CCDC3: variants seen among roughly 807,000 people sequenced by gnomAD.
CCDC3 encodes the protein coiled-coil domain containing 3.
Under a neutral mutation model 21.4 loss-of-function variants are expected in CCDC3, and 24 were observed. The ratio of observed to expected loss-of-function variants is 1.12; its 90% CI spans 0.81 to 1.58. CCDC3 has a LOEUF of 1.58. CCDC3 is among the 40% of genes most tolerant of loss of function. The probability of loss-of-function intolerance (pLI) is 0.00; values close to 1 mark genes in which losing one functional copy is unlikely to be tolerated. For synonymous variants in CCDC3, 186 were observed against 166.0 expected (o/e 1.12, Z -0.93); for missense variants, 425 against 360.9 (o/e 1.18, Z -1.44).
At chr10:12,912,715 T>C (rs1336747988) in intron 2 of CCDC3, among the ~76,000 whole-genome samples, 1 of 152,210 alleles carries the variant, frequency 6.6e-6, no homozygotes, top group Non-Finnish European at 1.5e-5. Context: ...GCTCTGCCCC[T>C]GTGTTTGCTT....
At chr10:12,975,204 T>C (rs1278024107) in intron 2 of CCDC3, among the ~76,000 whole-genome samples, 2 of 152,186 alleles carry the variant, frequency 1.3e-5, no homozygotes, top group African/African-American at 4.8e-5. Context: ...CCCGGCTCCT[T>C]GCTCTAACAA....
intron 2 of CCDC3, among the ~76,000 whole-genome samples, chr10:12,981,177 A>ATTT (rs59193619): frequency 0.26 from 27,667 of 105,272 alleles, 4,186 homozygotes; most frequent in East Asian, 0.32. Flanking sequence ...CTGGCCCAGG[A>ATTT]TTTTTTTTTT....
chr10:13,015,819 AAG>A (rs746558065), intron 5 of CCDC3, among the ~76,000 whole-genome samples: 7 of 151,978 alleles, frequency 4.6e-5, no homozygotes, highest in Non-Finnish European at 7.4e-5. Context: ...GGTTCGGTGA[AAG>A]AGGGGATGGT....
At chr10:12,943,103 G>T (rs992150854) in intron 2 of CCDC3, among the ~76,000 whole-genome samples, 6 of 151,918 alleles carry the variant, frequency 3.9e-5, no homozygotes, top group African/African-American at 1.5e-4. Flanking sequence ...TTATTTAATT[G>T]GCTTAAGCGC....
chr10:13,054,190 G>A (rs12572817), intron 4 of CCDC3, among the ~76,000 whole-genome samples: 26,111 of 149,638 alleles, frequency 0.17, 2,773 homozygotes, highest in East Asian at 0.31. Flanking sequence ...ACTTGGCAAG[G>A]GGCACACCTC....
rs563593367 is a variant in CCDC3, at chr10:13,097,560, C to T, written c.-503+965G>A. Among the ~76,000 whole-genome samples, 6 of 152,216 alleles carry T rather than the reference C, an allele frequency of 3.9e-5. No individual in the cohort carries two copies. The South Asian group carries it at 1.0e-3, about 26-fold the overall frequency. ...TCAACATGGCGAAACCTCATCAATA[C>T]GAAAAATGCAAAAATTAGCTTGGTG... On this transcript the variant is annotated intron_variant, in intron 3 of 6. Transcript: ENST00000378839.
chr10:13,002,657 G>A (rs181471899), upstream of CCDC3, among the ~76,000 whole-genome samples: 1 of 152,268 alleles, frequency 6.6e-6, no homozygotes, highest in East Asian at 1.9e-4. Context: ...TGAACTTTCA[G>A]GCGTGAGCCC....
At chr10:13,032,279 A>G (rs1293413809) in intron 5 of CCDC3, among the ~76,000 whole-genome samples, 1 of 152,248 alleles carries the variant, frequency 6.6e-6, no homozygotes, top group Admixed American at 6.5e-5. Flanking sequence ...GGCCTTCGAC[A>G]AAATTCAACA....
In CCDC3 at chr10:13,047,717, T is replaced by A. The variant is rs529799098; in HGVS notation, c.-2+1957A>T. Reference sequence around the variant, plus strand: ...TGCCCTCCCTATGAGACCTGGGTGATTCCTGTTAGCCATGGGCCTCTCTAA... The same window carrying A: ...TGCCCTCCCTATGAGACCTGGGTGAATCCTGTTAGCCATGGGCCTCTCTAA... On this transcript the variant is annotated intron_variant, in intron 5 of 6. Transcript: ENST00000378839. 2.0e-5 allele frequency among the ~76,000 whole-genome samples: 3 copies of A among 152,272 alleles called. No individual in the cohort carries two copies. The East Asian group carries it at 5.8e-4, about 29-fold the overall frequency.
At chr10:13,056,530 G>T (rs562144890) in intron 4 of CCDC3, among the ~76,000 whole-genome samples, 16 of 152,330 alleles carry the variant, frequency 1.1e-4, no homozygotes, top group Non-Finnish European at 2.1e-4. Flanking sequence ...TCACACTCAA[G>T]CCTGGGAAGA....
intron 2 of CCDC3, among the ~76,000 whole-genome samples, chr10:12,929,556 A>T (rs1480460923): frequency 6.6e-6 from 1 of 152,154 alleles, no homozygotes; most frequent in Non-Finnish European, 1.5e-5. Flanking sequence ...GTTAGAGTCC[A>T]CAGGGAATGG....
At chr10:13,016,160 C>A (rs1836055987) in intron 5 of CCDC3, among the ~76,000 whole-genome samples, 1 of 151,692 alleles carries the variant, frequency 6.6e-6, no homozygotes, top group South Asian at 2.1e-4. Flanking sequence ...ACCTATGGTC[C>A]AAAGTCAGAT....
At chr10:13,076,880 A>G (rs1048144858) in intron 3 of CCDC3, among the ~76,000 whole-genome samples, 9 of 152,216 alleles carry the variant, frequency 5.9e-5, no homozygotes, top group African/African-American at 2.2e-4. Context: ...CAATGGAGAC[A>G]GGACAGAGTA....
chr10:13,057,812 C>T (rs547423421), intron 4 of CCDC3: 10 of 280,784 alleles, frequency 3.6e-5, no homozygotes, highest in African/African-American at 1.6e-4. Flanking sequence ...CCCAGGGAGG[C>T]GGAGGTTGCA....
intron 2 of CCDC3, among the ~76,000 whole-genome samples, chr10:12,983,310 T>C (rs2131273553): frequency 6.6e-6 from 1 of 150,678 alleles, no homozygotes; most frequent in South Asian, 2.1e-4. Context: ...TGGTGGCTCA[T>C]GCCTGTAATC....
At chr10:12,938,495 G>A (rs886567792) in intron 2 of CCDC3, among the ~76,000 whole-genome samples, 4 of 152,200 alleles carry the variant, frequency 2.6e-5, no homozygotes, top group Admixed American at 6.5e-5. Context: ...GCAGTATAGC[G>A]TGAAAAACTT....
chr10:12,939,449 C>T (rs1392537980), intron 2 of CCDC3, among the ~76,000 whole-genome samples: 3 of 152,156 alleles, frequency 2.0e-5, no homozygotes, highest in Non-Finnish European at 4.4e-5. Context: ...ATGGTACAAA[C>T]CCATCTCTAC....
intron 5 of CCDC3, among the ~76,000 whole-genome samples, chr10:13,032,998 G>A (rs990441104): frequency 6.6e-6 from 1 of 152,120 alleles, no homozygotes; most frequent in Non-Finnish European, 1.5e-5. Context: ...CTACTTTAAA[G>A]TTCATATGGA....
At chr10:12,901,873 A>G (rs7905241) in intron 2 of CCDC3, among the ~76,000 whole-genome samples, 21,269 of 152,152 alleles carry the variant, frequency 0.14, 1,862 homozygotes, top group African/African-American at 0.24. Flanking sequence ...CCTCCAACAC[A>G]TCAGCGCTTT....
Sources: gnomAD v4.1 joint callset for allele counts (sites outside exome capture counted in the v4.1 genomes callset) on GRCh38, gnomAD v4.1.1 for gene constraint, MANE v1.5 for transcripts, NCBI Gene and HGNC (gene_info 2026-07-23, HGNC 2026-07-21) for gene names.